The following KIF21A variants were observed in gnomAD, a reference collection of about 807,000 sequenced individuals.
KIF21A encodes kinesin-like protein KIF21A.
Under a neutral mutation model 202.9 loss-of-function variants are expected in KIF21A, and 114 were observed. The observed-to-expected ratio is 0.56, with a 90% CI of 0.48 to 0.66. The LOEUF (loss-of-function observed/expected upper bound fraction) is 0.66. Among genes scored for constraint, KIF21A ranks in the 30% least tolerant of loss-of-function variants. KIF21A has a pLI of 0.00. For missense variants in KIF21A, 1,677 were observed against 1,994.9 expected (o/e 0.84, Z 3.04); for synonymous variants, 667 against 670.8 (o/e 0.99, Z 0.09).
intron 4 of KIF21A, among the ~76,000 whole-genome samples, 173 bp downstream of exon 4, chr12:39,367,710 T>C (rs974498695): frequency 2.0e-5 from 3 of 152,168 alleles, no homozygotes; most frequent in Non-Finnish European, 4.4e-5. Flanking sequence ...AATCCTGATA[T>C]TTTTATACTA....
rs780506197 is a variant in KIF21A at position 39,304,902 on chromosome 12, G to T, written c.4479C>A (p.Gly1493=). 1 of 1,602,710 alleles carries T rather than the reference G, an allele frequency of 6.2e-7. No homozygotes were observed. Among genetic ancestry groups the T allele is most frequent in the Admixed American group, 1.7e-5 (1 of 59,780 alleles). Residue 1493 remains glycine (G), a synonymous_variant, in exon 35 of 38, where the codon GGC becomes GGA. Transcript: ENST00000361418. ...QSTGKLTGHL[G]PVMCLTVDQI... Reference sequence around the variant, plus strand: ...GATCCACAGTAAGGCACATAACAGGGCCTAGGTGTCCTGTTAACTTTCCTG... The same window carrying T: ...GATCCACAGTAAGGCACATAACAGGTCCTAGGTGTCCTGTTAACTTTCCTG...
At chr12:39,306,055 G>A (rs1359426915) in intron 34 of KIF21A, among the ~76,000 whole-genome samples, 2 of 152,214 alleles carry the variant, frequency 1.3e-5, no homozygotes, top group Non-Finnish European at 2.9e-5. Flanking sequence ...GTAGAAAACT[G>A]TGTGATGTCA....
At chr12:39,326,177 C>T in intron 25 of KIF21A, 87 bp downstream of exon 25, 1 of 1,042,076 alleles carries the variant, frequency 9.6e-7, no homozygotes, top group South Asian at 1.3e-5. Context: ...AAAATTATTT[C>T]TGTTTTATGG....
intron 1 of KIF21A, among the ~76,000 whole-genome samples, chr12:39,408,128 G>C (rs1387416555): frequency 6.6e-6 from 1 of 152,082 alleles, no homozygotes; most frequent in Non-Finnish European, 1.5e-5. Flanking sequence ...TAAAACAGCA[G>C]TCCCTGACCT....
intron 12 of KIF21A, among the ~76,000 whole-genome samples, chr12:39,345,157 A>C (rs1317402522): frequency 6.6e-6 from 1 of 151,884 alleles, no homozygotes; most frequent in Admixed American, 6.6e-5. Context: ...CCACCCAACC[A>C]CTCTGCTTTT....
chr12:39,332,241 G>T lies in KIF21A; in HGVS notation c.3024C>A (p.Ala1008=). The change falls in exon 21 of 38, where the codon GCC becomes GCA. Residue 1008 remains alanine, a synonymous_variant. Coordinates refer to ENST00000361418, the MANE Select transcript of KIF21A (RefSeq NM_001173464.2). ...YINDSISDCQ[A]NIMQMEEAKE... ...TTGCTTCTTCCATCTGCATTATGTT[G>T]GCCTGACAATCAGAAATACTGTCAT... The T allele has an allele frequency of 6.2e-7, 1 of 1,613,660 alleles. No individual in the cohort carries two copies. The highest frequency in any genetic ancestry group is 8.5e-7 in the Non-Finnish European group (1 of 1,179,864).
chr12:39,403,941 G>A (rs1952376363), intron 1 of KIF21A, among the ~76,000 whole-genome samples: 1 of 152,190 alleles, frequency 6.6e-6, no homozygotes, highest in East Asian at 1.9e-4. Flanking sequence ...ACTGCTACCT[G>A]TCAAAAGTTT....
At chr12:39,317,301 T>C (rs1035268026) in intron 29 of KIF21A, among the ~76,000 whole-genome samples, 1 of 152,192 alleles carries the variant, frequency 6.6e-6, no homozygotes, top group East Asian at 1.9e-4. Context: ...TGGCATCCTA[T>C]AAATTTTAGA....
chr12:39,388,842 A>G (rs1951138691), intron 1 of KIF21A, among the ~76,000 whole-genome samples: 1 of 152,212 alleles, frequency 6.6e-6, no homozygotes, highest in African/African-American at 2.4e-5. Context: ...ACTACCAGAT[A>G]CAGTGCTAAA....
At chr12:39,343,068 G>C (rs1440097410) in intron 12 of KIF21A, among the ~76,000 whole-genome samples, 1 of 152,054 alleles carries the variant, frequency 6.6e-6, no homozygotes, top group East Asian at 1.9e-4. Context: ...ATCTATATAT[G>C]AACTATTTCC....
rs144047911 is a variant in KIF21A at position 39,351,907 on chromosome 12, G to A, written c.1543C>T (p.Pro515Ser). 1 of 1,613,214 alleles carries A rather than the reference G, an allele frequency of 6.2e-7. No homozygotes were observed. Among genetic ancestry groups the A allele is most frequent in the African/African-American group, 1.3e-5 (1 of 74,846 alleles). The change falls in exon 11 of 38, where the codon CCA becomes TCA. Residue 515 changes from proline to serine, a missense_variant. This residue lies in a region of KIF21A where 966 missense variants were observed against 1,180.9 expected (regional missense o/e 0.82). Transcript: ENST00000361418. ...AAAGTTGATGATCCGCTGAAATATG[G>A]CGCTCTTGCTGTGGCTCTTGTCAAG... is the stretch of plus-strand genomic sequence containing the variant. ...KNLTRATARAPYFSGSSTFSP... is the reference protein window; with the variant it reads ...KNLTRATARASYFSGSSTFSP...
intron 1 of KIF21A, among the ~76,000 whole-genome samples, chr12:39,436,833 T>C (rs1368461272): frequency 1.3e-5 from 2 of 152,120 alleles, no homozygotes; most frequent in South Asian, 2.1e-4. Flanking sequence ...GGAAACCAAG[T>C]TGAATCCACA....
intron 33 of KIF21A, among the ~76,000 whole-genome samples, chr12:39,308,731 G>A (rs1943718052): frequency 6.6e-6 from 1 of 151,856 alleles, no homozygotes; most frequent in African/African-American, 2.4e-5. Context: ...TTTAACTTCA[G>A]TGATTCAATT....
intron 1 of KIF21A, among the ~76,000 whole-genome samples, chr12:39,420,176 C>A (rs1402124430): frequency 6.6e-6 from 1 of 151,878 alleles, no homozygotes; most frequent in Non-Finnish European, 1.5e-5. Flanking sequence ...CTTCTCATTG[C>A]CCAACTGGAC....
intron 1 of KIF21A, among the ~76,000 whole-genome samples, chr12:39,396,561 T>C (rs768107842): frequency 8.5e-5 from 13 of 152,148 alleles, no homozygotes; most frequent in Non-Finnish European, 1.6e-4. Context: ...ATAGAGTAAT[T>C]ATATGGGTAC....
intron 1 of KIF21A, among the ~76,000 whole-genome samples, chr12:39,407,056 G>C (rs1210748960): frequency 2.6e-5 from 4 of 152,150 alleles, no homozygotes; most frequent in Non-Finnish European, 5.9e-5. Flanking sequence ...CTCTCCACTT[G>C]TGGACTGCAT....
intron 1 of KIF21A, among the ~76,000 whole-genome samples, chr12:39,396,341 T>C (rs1592533618): frequency 1.3e-5 from 2 of 152,236 alleles, no homozygotes; most frequent in Non-Finnish European, 2.9e-5. Flanking sequence ...CAGTCAAATC[T>C]GGATTCAGTT....
intron 1 of KIF21A, among the ~76,000 whole-genome samples, chr12:39,417,577 C>G (rs1953871816): frequency 6.6e-6 from 1 of 152,082 alleles, no homozygotes; most frequent in African/African-American, 2.4e-5. Context: ...ATCTTATTAC[C>G]TATTGAGTTC....
At chr12:39,334,695 G>C (rs1946811762) in intron 17 of KIF21A, among the ~76,000 whole-genome samples, 1 of 152,090 alleles carries the variant, frequency 6.6e-6, no homozygotes, top group African/African-American at 2.4e-5. Flanking sequence ...AGGGTTCAAA[G>C]ATGAATATAA....
Sources: allele counts gnomAD v4.1 joint callset (sites outside exome capture counted in the v4.1 genomes callset), GRCh38; gene constraint gnomAD v4.1.1; regional missense constraint gnomAD v4.1.1; transcripts MANE v1.5; gene names NCBI Gene and HGNC (gene_info 2026-07-23, HGNC 2026-07-21).